Variants in NAALADL1 observed in about 807,000 individuals in gnomAD.
NAALADL1 encodes the protein N-acetylated alpha-linked acidic dipeptidase like 1.
In NAALADL1, 77 loss-of-function variants were observed where a neutral mutation model predicts 82.8. The ratio of observed to expected loss-of-function variants is 0.93; its 90% confidence interval spans 0.77 to 1.12. The LOEUF (loss-of-function observed/expected upper bound fraction) is 1.12. Among genes scored for constraint, NAALADL1 ranks in the 50% most tolerant of loss-of-function variants. The pLI is 0.00. For synonymous variants in NAALADL1, 358 were observed against 399.2 expected, an observed-to-expected ratio of 0.90 and a Z score of 1.23; for missense variants, 956 against 964.0, an observed-to-expected ratio of 0.99 and a Z score of 0.11.
chr11:65,058,107 C>A lies in NAALADL1; in HGVS notation c.329G>T (p.Ser110Ile), dbSNP rs1289302270. 6.8e-6 allele frequency: 11 copies of A among 1,612,036 alleles called. No individual in the cohort carries two copies. The highest frequency in any genetic ancestry group is 2.7e-5 in the African/African-American group (2 of 74,884). The change falls in exon 2 of 18, where the codon AGC becomes ATC. Residue 110 changes from serine to isoleucine, a missense_variant. Coordinates refer to ENST00000358658, the MANE Select transcript of NAALADL1 (RefSeq NM_005468.3). ...STYEVLLSFP[S>I]QEQPNVVDIV... is the part of the protein sequence containing the mutation. ...GTCCACGACGTTGGGCTGCTCCTGG[C>A]TAGGGAAGGACAGCAGCACTTCGTA...
At chr11:65,045,565 A>AC in intron 17 of NAALADL1, 108 bp from the exon 18 acceptor site, 1 of 1,198,930 alleles carries the variant, frequency 8.3e-7, no homozygotes, top group Non-Finnish European at 1.1e-6. Context: ...GCAGAAAAGC[A>AC]CCCCCGTCCA....
intron 8 of NAALADL1, among the ~76,000 whole-genome samples, chr11:65,050,003 G>A (rs58819113): frequency 6.6e-6 from 1 of 151,564 alleles, no homozygotes; most frequent in African/African-American, 2.4e-5. Flanking sequence ...AGCCTCCCGA[G>A]TAGCTGGGAT....
upstream of NAALADL1, among the ~76,000 whole-genome samples, chr11:65,059,830 T>TGAG (rs374949922): frequency 4.3e-4 from 66 of 151,964 alleles, 1 homozygote; most frequent in East Asian, 0.011. Context: ...AGTGAAAGAG[T>TGAG]GAGGAGTTCT....
chr11:65,060,143 T>C (rs1947158132), upstream of NAALADL1, among the ~76,000 whole-genome samples: 1 of 151,284 alleles, frequency 6.6e-6, no homozygotes, highest in Non-Finnish European at 1.5e-5. Flanking sequence ...TGTGTGTGTG[T>C]GTGTGCACGT....
Position 65,053,549 on chromosome 11 carries a change from G to A in NAALADL1, c.1020C>T (p.Arg340=). ...CGTTGGAAGAGTTCCTCAGCTCCAG[G>A]CGGTTGTAGACGCTCACATTCACCT... The part of the protein sequence containing the change: ...DSQVNVSVYN[R]LELRNSSNVL... Residue 340 remains arginine (R), a synonymous_variant, in exon 7 of 18, where the codon CGC becomes CGT. Transcript: ENST00000358658. This position sits in a 1 kb window ranked among gnomAD's most constrained non-coding sequence, Gnocchi z 4.3. The A allele has an allele frequency of 6.2e-7, 1 of 1,610,590 alleles. No individual in the cohort carries two copies. The highest frequency in any genetic ancestry group is 8.5e-7 in the Non-Finnish European group (1 of 1,178,050).
Position 65,054,685 on chromosome 11 carries a change from A to G in NAALADL1, c.657T>C (p.Pro219=). ...GVAGVLVYTD[P]ADINDGLSSP... is the part of the protein sequence containing the mutation. ...AGCTCAGCCCATCGTTGATGTCGGC[A>G]GGGTCTGTGTACACCAGCACCCCAG... The change falls in exon 5 of 18, where the codon CCT becomes CCC. Residue 219 remains proline, a synonymous_variant. Coordinates refer to ENST00000358658, the MANE Select transcript of NAALADL1 (RefSeq NM_005468.3). The surrounding 1 kb of genome is among the most constrained non-coding windows in gnomAD (Gnocchi z 4.3). The G allele has an allele frequency of 6.2e-7, 1 of 1,614,124 alleles. No individual in the cohort carries two copies. Among genetic ancestry groups the G allele is most frequent in the Non-Finnish European group, 8.5e-7 (1 of 1,180,030 alleles).
At position 65,053,572 on chromosome 11, in the gene NAALADL1, C is replaced by T. The variant is rs761548760; in HGVS notation, c.997G>A (p.Val333Met). The change falls in exon 7 of 18, where the codon GTG (valine) becomes ATG (methionine). Residue 333 changes from valine (V) to methionine (M), a missense_variant. Physicochemically the swap from Val to Met is conservative, Grantham distance 21 (BLOSUM62 1). Coordinates refer to ENST00000358658, the MANE Select transcript of NAALADL1 (RefSeq NM_005468.3). The surrounding 1 kb of genome is among the most constrained non-coding windows in gnomAD (Gnocchi z 4.3). ...AGGCGGTTGTAGACGCTCACATTCA[C>T]CTGGCTGGGGAGGGTGAAGGGTGTG... Reference protein sequence around the residue: ...PDGDFPADSQVNVSVYNRLEL... With the variant: ...PDGDFPADSQMNVSVYNRLEL... 4 of 1,596,998 alleles carry T rather than the reference C, an allele frequency of 2.5e-6. No individual in the cohort carries two copies. Among genetic ancestry groups the T allele is most frequent in the Admixed American group, 1.7e-5 (1 of 59,040 alleles).
chr11:65,058,354 C>A lies in NAALADL1; in HGVS notation c.168G>T (p.Arg56Ser). The change falls in exon 1 of 18, where the codon AGG (arginine) becomes AGT (serine). Residue 56 changes from arginine to serine, a missense_variant. Arg to Ser is a moderately radical substitution (Grantham distance 110). Transcript: ENST00000358658. ...ETVMGQLDAH[R>S]IRENLRELSR... ...CTTCTCACCTGAGGTTCTCCCGGAT[C>A]CTGTGGGCATCCAGCTGCCCCATGA... 6.2e-7 allele frequency: 1 copy of A among 1,614,178 alleles called. No homozygotes were observed. Among genetic ancestry groups the A allele is most frequent in the Non-Finnish European group, 8.5e-7 (1 of 1,180,002 alleles).
In NAALADL1 at chr11:65,053,381, G is replaced by A. The variant is rs911397029; in HGVS notation, c.1079-44C>T. ...GCAGAGAACCAGAGGAGAGGGAGAG[G>A]TGGGCAGGGGGAGCTGGGCTGGGTG... On this transcript the variant is annotated intron_variant, in intron 7 of 17. Transcript: ENST00000358658. The surrounding 1 kb of genome is among the most constrained non-coding windows in gnomAD (Gnocchi z 4.3). 2.5e-6 allele frequency: 4 copies of A among 1,609,910 alleles called. No homozygotes were observed. Among genetic ancestry groups the A allele is most frequent in the Non-Finnish European group, 3.4e-6 (4 of 1,178,206 alleles).
chr11:65,057,743 G>A, intron 3 of NAALADL1, 132 bp downstream of exon 3: 1 of 1,386,314 alleles, frequency 7.2e-7, no homozygotes. Flanking sequence ...CAGCGATGGA[G>A]TGTCCCGGTG....
chr11:65,048,384 G>A lies in NAALADL1; in HGVS notation c.1200C>T (p.Gly400=). ...SRVLGTLLKK[G]TWRPRRSIVF... is the part of the protein sequence containing the mutation. ...CGATTGATCTGCGAGGACGCCAGGT[G>A]CCTGGGAATGGGGGATAGAGGGTTG... Residue 400 remains glycine (G), a splice_region_variant and synonymous_variant, in exon 9 of 18, where the codon GGC becomes GGT. Transcript: ENST00000358658. The A allele has an allele frequency of 1.2e-6, 2 of 1,614,140 alleles. No homozygotes were observed. The highest frequency in any genetic ancestry group is 1.7e-5 in the Admixed American group (1 of 60,024).
At position 65,054,657 on chromosome 11, in the gene NAALADL1, G is replaced by A. The variant is rs759952018; in HGVS notation, c.685C>T (p.Pro229Ser). Residue 229 changes from proline (P) to serine (S), a missense_variant, in exon 5 of 18, where the codon CCC becomes TCC. Physicochemically the swap from Pro to Ser is moderately conservative, Grantham distance 74. Coordinates refer to ENST00000358658, the MANE Select transcript of NAALADL1 (RefSeq NM_005468.3). The surrounding 1 kb of genome is among the most constrained non-coding windows in gnomAD (Gnocchi z 4.3). ...PADINDGLSS[P>S]DETFPNSWYL... ...CAGGAGTTGGGAAAGGTTTCGTCGG[G>A]TGAGCTCAGCCCATCGTTGATGTCG... 6.2e-7 allele frequency: 1 copy of A among 1,614,162 alleles called. No individual in the cohort carries two copies. Among genetic ancestry groups the A allele is most frequent in the Non-Finnish European group, 8.5e-7 (1 of 1,180,024 alleles).
At chr11:65,051,328 T>G (rs1483884158) in intron 8 of NAALADL1, among the ~76,000 whole-genome samples, 1 of 50,874 alleles carries the variant, frequency 2.0e-5, no homozygotes, top group Admixed American at 1.8e-4. Context: ...TTTTTTTTTT[T>G]TTTTTTTTTT....
At chr11:65,046,585 C>A (rs1946737732) in intron 13 of NAALADL1, 59 bp from the exon 14 acceptor site, 2 of 1,526,330 alleles carry the variant, frequency 1.3e-6, no homozygotes, top group Non-Finnish European at 1.8e-6. Context: ...GAAGGTGTAC[C>A]TCCAGTGAGC....
At chr11:65,046,417 T>G (rs1269557198) in intron 14 of NAALADL1, 28 bp downstream of exon 14, 1 of 1,614,194 alleles carries the variant, frequency 6.2e-7, no homozygotes, top group Non-Finnish European at 8.5e-7. Context: ...TGTCCTGGTC[T>G]CAGGATGCCC....
At chr11:65,047,866 G>T in intron 11 of NAALADL1, 115 bp downstream of exon 11, 1 of 1,463,694 alleles carries the variant, frequency 6.8e-7, no homozygotes, top group Non-Finnish European at 9.2e-7. Context: ...CCTCAGTCCA[G>T]CCCCAGCAGA....
chr11:65,048,605 G>T (rs1946805991), intron 8 of NAALADL1: 1 of 583,582 alleles, frequency 1.7e-6, no homozygotes. Context: ...CCTTCTACCA[G>T]AATGCCTACT....
intron 4 of NAALADL1, 115 bp downstream of exon 4, chr11:65,057,256 G>A (rs1947063501): frequency 9.7e-6 from 14 of 1,447,794 alleles, no homozygotes; most frequent in Non-Finnish European, 1.3e-5. Flanking sequence ...CCACCCTGGG[G>A]CTTGGTTCCC....
chr11:65,046,502 G>A lies in NAALADL1; in HGVS notation c.1624C>T (p.Pro542Ser), dbSNP rs1285703827. 9.9e-6 allele frequency: 16 copies of A among 1,614,162 alleles called. No homozygotes were observed. The highest frequency in any genetic ancestry group is 1.2e-5 in the Non-Finnish European group (14 of 1,180,022). The change falls in exon 14 of 18, where the codon CCC becomes TCC. Residue 542 changes from proline to serine, a missense_variant. By Grantham distance (74) the Pro-to-Ser change is moderately conservative. Transcript: ENST00000358658. ...GTGTCAAAGGCTGTGTGGTAGGTGG[G>A]GTAGATCCTGGCTGAAGTCTTGCTC... ...DRSKTSARIY[P>S]TYHTAFDTFD... is the part of the protein sequence containing the mutation.
Sources: allele counts gnomAD v4.1 joint callset (sites outside exome capture counted in the v4.1 genomes callset), GRCh38; gene constraint gnomAD v4.1.1; non-coding constraint Gnocchi (gnomAD v3.1); transcripts MANE v1.5; gene names NCBI Gene and HGNC (gene_info 2026-07-23, HGNC 2026-07-21).